Variants in PHLDB2 observed in about 807,000 individuals in gnomAD.
PHLDB2 encodes the protein pleckstrin homology like domain family B member 2.
PHLDB2 carries 71 observed loss-of-function variants against 123.6 expected under a neutral mutation model. That is an observed-to-expected ratio of 0.57 (90% CI 0.47 to 0.70). PHLDB2 has a LOEUF of 0.70. Ranked by LOEUF, PHLDB2 falls within the 30% of genes least tolerant of loss-of-function variation. The pLI, the probability that PHLDB2 is intolerant of heterozygous loss-of-function variation, is 0.00. For missense variants in PHLDB2, 1,446 were observed against 1,519.5 expected, an observed-to-expected ratio of 0.95 and a Z score of 0.80; for synonymous variants, 547 against 541.6, an observed-to-expected ratio of 1.01 and a Z score of -0.14.
chr3:111,913,593 G>A lies in PHLDB2; in HGVS notation c.1610G>A (p.Ser537Asn), dbSNP rs773245858. The A allele has an allele frequency of 6.2e-7, 1 of 1,614,138 alleles. No homozygotes were observed. The highest frequency in any genetic ancestry group is 1.7e-5 in the Admixed American group (1 of 60,022). ...AGTGCCAGCTTCTTTACCCCCAGGA[G>A]CACCAGGAATGATGAACTACTCAGT... The part of the protein sequence containing the change: ...QSSASFFTPR[S>N]TRNDELLSDL... The change falls in exon 3 of 18, where the codon AGC becomes AAC. Residue 537 changes from serine to asparagine, a missense_variant. Ser to Asn is a conservative substitution (Grantham distance 46). This residue lies in a region of PHLDB2 where 832 missense variants were observed against 831.9 expected (regional missense o/e 1.00). Transcript: ENST00000431670.
intron 1 of PHLDB2, among the ~76,000 whole-genome samples, chr3:111,879,331 A>T (rs1167272978): frequency 6.6e-6 from 1 of 152,152 alleles, no homozygotes; most frequent in Non-Finnish European, 1.5e-5. Flanking sequence ...TTTCTAGTTT[A>T]TTTGCGTAGA....
chr3:111,944,861 G>T (rs2070187395), intron 8 of PHLDB2, among the ~76,000 whole-genome samples: 1 of 151,964 alleles, frequency 6.6e-6, no homozygotes, highest in Non-Finnish European at 1.5e-5. Flanking sequence ...TTTTAGTAGA[G>T]ACAAGGTTTC....
chr3:111,949,366 T>C (rs1406868280), intron 10 of PHLDB2, among the ~76,000 whole-genome samples: 1 of 152,238 alleles, frequency 6.6e-6, no homozygotes, highest in Admixed American at 6.5e-5. Flanking sequence ...AGTTTTCTTA[T>C]AAATTAAAAA....
chr3:111,891,833 T>G (rs1479473878), intron 2 of PHLDB2, among the ~76,000 whole-genome samples: 1 of 152,124 alleles, frequency 6.6e-6, no homozygotes, highest in Non-Finnish European at 1.5e-5. Flanking sequence ...CTTTTTATGG[T>G]CCAAGGCAGT....
chr3:111,766,482 C>A (rs1252406664), intron 1 of PHLDB2, among the ~76,000 whole-genome samples: 5 of 149,844 alleles, frequency 3.3e-5, no homozygotes, highest in Non-Finnish European at 5.9e-5. Context: ...ATCTAAGAAA[C>A]CTTACCAAAA....
chr3:111,840,666 C>A (rs750659831), intron 1 of PHLDB2, among the ~76,000 whole-genome samples: 1 of 152,158 alleles, frequency 6.6e-6, no homozygotes, highest in Non-Finnish European at 1.5e-5. Context: ...GTTGCTGACT[C>A]CTCTCTTACT....
intron 1 of PHLDB2, among the ~76,000 whole-genome samples, chr3:111,761,770 C>A (rs1033561858): frequency 6.6e-6 from 1 of 152,168 alleles, no homozygotes; most frequent in Non-Finnish European, 1.5e-5. Flanking sequence ...GGATACCACA[C>A]CATAAGACCC....
chr3:111,951,408 G>A (rs2070709624), intron 10 of PHLDB2, among the ~76,000 whole-genome samples: 1 of 152,100 alleles, frequency 6.6e-6, no homozygotes, highest in African/African-American at 2.4e-5. Context: ...TAATTGATTA[G>A]CTAGTATAAA....
At chr3:111,904,381 T>C (rs1389559502) in intron 2 of PHLDB2, among the ~76,000 whole-genome samples, 1 of 152,012 alleles carries the variant, frequency 6.6e-6, no homozygotes, top group Non-Finnish European at 1.5e-5. Context: ...CCTGTAGTCC[T>C]GATATCTTTA....
intron 9 of PHLDB2, among the ~76,000 whole-genome samples, chr3:111,947,882 A>G (rs1482778005): frequency 6.6e-6 from 1 of 152,190 alleles, no homozygotes; most frequent in East Asian, 1.9e-4. Context: ...TTTTCAGCCT[A>G]AAATTTGTAA....
chr3:111,860,015 C>CG (rs1050137396), intron 1 of PHLDB2: 4 of 502,648 alleles, frequency 8.0e-6, no homozygotes, highest in Non-Finnish European at 1.0e-5. Flanking sequence ...GCATGACTCT[C>CG]GGGGGGCTGG....
chr3:111,853,677 A>T (rs917220037), intron 2 of PHLDB2, among the ~76,000 whole-genome samples: 4 of 152,140 alleles, frequency 2.6e-5, no homozygotes, highest in African/African-American at 9.7e-5. Context: ...AGAGTTCAAG[A>T]CCAGCCTGAC....
At position 111,902,366 on chromosome 3, in the gene PHLDB2, G is replaced by T. The variant is rs531222100; in HGVS notation, c.1336-10953G>T. ...CCAGCACTTTGGGAGGCCAAGGTGG[G>T]AGGATCACTTGAGCCCAGGAGATTG... On this transcript the variant is annotated intron_variant, in intron 2 of 17. Coordinates refer to ENST00000431670, the MANE Select transcript of PHLDB2 (RefSeq NM_001134438.2). Among the ~76,000 whole-genome samples, 4 of 152,286 alleles carry T rather than the reference G, an allele frequency of 2.6e-5. No individual in the cohort carries two copies. The South Asian group carries it at 8.3e-4, about 32-fold the overall frequency.
At chr3:111,882,545 A>G (rs140261512) in intron 1 of PHLDB2, among the ~76,000 whole-genome samples, 2 of 152,346 alleles carry the variant, frequency 1.3e-5, no homozygotes, top group African/African-American at 2.4e-5. Flanking sequence ...GCCAAATATA[A>G]TGAAGAAACT....
At chr3:111,820,590 T>C (rs1037526999) in intron 1 of PHLDB2, among the ~76,000 whole-genome samples, 26 of 152,236 alleles carry the variant, frequency 1.7e-4, no homozygotes, top group African/African-American at 6.0e-4. Flanking sequence ...TCAATCCACA[T>C]AACTTACAAC....
At chr3:111,874,132 A>G (rs1027040721) in intron 1 of PHLDB2, among the ~76,000 whole-genome samples, 1 of 152,108 alleles carries the variant, frequency 6.6e-6, no homozygotes, top group African/African-American at 2.4e-5. Flanking sequence ...ACAGAATTTT[A>G]GGTGTGCAAG....
chr3:111,881,575 T>C (rs1227079135), intron 1 of PHLDB2, among the ~76,000 whole-genome samples: 1 of 152,188 alleles, frequency 6.6e-6, no homozygotes, highest in Non-Finnish European at 1.5e-5. Flanking sequence ...AGTAGTATAG[T>C]ATGTACTACA....
At chr3:111,944,079 G>A (rs913141481) in intron 8 of PHLDB2, among the ~76,000 whole-genome samples, 5 of 152,180 alleles carry the variant, frequency 3.3e-5, no homozygotes, top group African/African-American at 1.2e-4. Flanking sequence ...ACTGATGCCT[G>A]TAACATGGAG....
At chr3:111,908,267 A>C (rs887531230) in intron 2 of PHLDB2, among the ~76,000 whole-genome samples, 7 of 152,306 alleles carry the variant, frequency 4.6e-5, no homozygotes, top group African/African-American at 1.7e-4. Context: ...GGCGAAGACA[A>C]ATTATTTATT....
Sources: allele counts gnomAD v4.1 joint callset (sites outside exome capture counted in the v4.1 genomes callset), GRCh38; gene constraint gnomAD v4.1.1; regional missense constraint gnomAD v4.1.1; transcripts MANE v1.5; gene names NCBI Gene and HGNC (gene_info 2026-07-23, HGNC 2026-07-21).